The following LRP1B variants were observed in gnomAD, a reference collection of about 807,000 sequenced individuals.
LRP1B encodes the protein LDL receptor related protein 1B.
Under a neutral mutation model 556.6 loss-of-function variants are expected in LRP1B, and 217 were observed. The observed-to-expected ratio is 0.39, with a 90% CI of 0.35 to 0.44. The LOEUF is 0.44. Ranked by LOEUF, LRP1B falls within the 20% of genes least tolerant of loss-of-function variation. The pLI is 1.00. For missense variants in LRP1B, 5,053 were observed against 5,620.8 expected, an observed-to-expected ratio of 0.90 and a Z score of 3.23; for synonymous variants, 2,047 against 1,865.8, an observed-to-expected ratio of 1.10 and a Z score of -2.50.
chr2:140,941,444 T>A (rs549667671), intron 20 of LRP1B, among the ~76,000 whole-genome samples: 1 of 152,250 alleles, frequency 6.6e-6, no homozygotes, highest in Admixed American at 6.5e-5. Flanking sequence ...AGTTGCAGGA[T>A]GTGAGGACTG....
chr2:140,275,513 C>T (rs2104954803), intron 84 of LRP1B, among the ~76,000 whole-genome samples: 1 of 152,000 alleles, frequency 6.6e-6, no homozygotes, highest in South Asian at 2.1e-4. Flanking sequence ...GGACTCATAC[C>T]CCTGCACCAG....
At chr2:140,653,915 C>G (rs560912024) in intron 41 of LRP1B, among the ~76,000 whole-genome samples, 1 of 148,402 alleles carries the variant, frequency 6.7e-6, no homozygotes, top group African/African-American at 2.5e-5. Context: ...ATCCCAGCTA[C>G]TTGGGAGGCT....
At chr2:141,543,182 C>G (rs1685328385) in intron 2 of LRP1B, among the ~76,000 whole-genome samples, 1 of 151,946 alleles carries the variant, frequency 6.6e-6, no homozygotes, top group Non-Finnish European at 1.5e-5. Flanking sequence ...TGCAGATAAT[C>G]TTAGTTTCAC....
chr2:140,777,182 CTACCTAGAAGT>C (rs1168639317), intron 32 of LRP1B, among the ~76,000 whole-genome samples: 16 of 152,124 alleles, frequency 1.1e-4, no homozygotes, highest in Non-Finnish European at 2.4e-4. Flanking sequence ...AAATCAATTT[CTACCTAGAAGT>C]TAAAATAAGG....
chr2:141,831,586 A>T (rs1366263443), intron 1 of LRP1B, among the ~76,000 whole-genome samples: 1 of 151,678 alleles, frequency 6.6e-6, no homozygotes, highest in Non-Finnish European at 1.5e-5. Context: ...AAAACTCATT[A>T]AGTTTTGGAA....
intron 86 of LRP1B, 39 bp downstream of exon 86, chr2:140,270,203 G>A (rs376404728): frequency 1.1e-4 from 150 of 1,404,990 alleles, no homozygotes; most frequent in Admixed American, 5.2e-4. Context: ...ACATACAAAG[G>A]CTTATTATAA....
At chr2:141,299,655 T>G (rs974130484) in intron 3 of LRP1B, among the ~76,000 whole-genome samples, 23 of 152,228 alleles carry the variant, frequency 1.5e-4, no homozygotes, top group African/African-American at 5.3e-4. Context: ...CAGAAAAGGA[T>G]GAATTCTATT....
chr2:141,553,221 G>A (rs1049704250), intron 2 of LRP1B, among the ~76,000 whole-genome samples: 2 of 151,806 alleles, frequency 1.3e-5, no homozygotes, highest in Admixed American at 6.6e-5. Context: ...GGAAGAGGGC[G>A]TTTTCTAAGA....
chr2:141,299,774 AAATAAG>A (rs1686316079), intron 3 of LRP1B, among the ~76,000 whole-genome samples: 1 of 152,230 alleles, frequency 6.6e-6, no homozygotes, highest in African/African-American at 2.4e-5. Flanking sequence ...AGTAAAATGA[AAATAAG>A]AATAATACTT....
chr2:141,905,405 T>C (rs1699726743), intron 1 of LRP1B, among the ~76,000 whole-genome samples: 1 of 151,782 alleles, frequency 6.6e-6, no homozygotes, highest in Admixed American at 6.6e-5. Context: ...GAGGGCTCAG[T>C]TGAGATCTGT....
At chr2:140,748,828 C>A (rs374600634) in intron 35 of LRP1B, among the ~76,000 whole-genome samples, 3 of 79,498 alleles carry the variant, frequency 3.8e-5, no homozygotes, top group Non-Finnish European at 2.6e-5. Flanking sequence ...TAATATATAT[C>A]ATATATTATA....
At chr2:140,354,523 G>A (rs188507819) in intron 75 of LRP1B, among the ~76,000 whole-genome samples, 4 of 152,134 alleles carry the variant, frequency 2.6e-5, no homozygotes, top group African/African-American at 9.6e-5. Flanking sequence ...TAACCATCAC[G>A]ATTACAACAA....
intron 3 of LRP1B, among the ~76,000 whole-genome samples, chr2:141,361,833 A>G (rs1402470): frequency 0.38 from 58,061 of 152,094 alleles, 13,006 homozygotes; most frequent in Non-Finnish European, 0.52. Context: ...TTAAGAAAAA[A>G]ATATCTATCA....
intron 3 of LRP1B, among the ~76,000 whole-genome samples, chr2:141,266,706 T>A (rs990346738): frequency 6.6e-6 from 1 of 152,190 alleles, no homozygotes; most frequent in Non-Finnish European, 1.5e-5. Context: ...TTTAGCAACT[T>A]AGCAACTTTA....
At chr2:140,860,536 C>T (rs1309844025) in intron 27 of LRP1B, among the ~76,000 whole-genome samples, 2 of 151,972 alleles carry the variant, frequency 1.3e-5, no homozygotes, top group Non-Finnish European at 2.9e-5. Flanking sequence ...CATTTAAGAC[C>T]CCTTTAAACC....
At chr2:141,430,511 C>G (rs986609434) in intron 3 of LRP1B, among the ~76,000 whole-genome samples, 16 of 152,026 alleles carry the variant, frequency 1.1e-4, no homozygotes, top group Admixed American at 6.6e-5. Flanking sequence ...TTGGCAGGAT[C>G]TTACAAAATG....
intron 6 of LRP1B, among the ~76,000 whole-genome samples, chr2:141,199,978 A>G (rs990336247): frequency 6.6e-6 from 1 of 152,184 alleles, no homozygotes; most frequent in Non-Finnish European, 1.5e-5. Context: ...TGTTGGTGGG[A>G]GTGTTAACTA....
intron 32 of LRP1B, among the ~76,000 whole-genome samples, chr2:140,810,518 C>T (rs1690881209): frequency 6.6e-6 from 1 of 151,816 alleles, no homozygotes. Context: ...AGCAAGTAGG[C>T]CATCACATTT....
chr2:141,233,138 A>G (rs1683532756), intron 5 of LRP1B, among the ~76,000 whole-genome samples: 1 of 152,218 alleles, frequency 6.6e-6, no homozygotes. Context: ...AGAACACTTG[A>G]AAAGCACATT....
Sources: allele counts gnomAD v4.1 joint callset (sites outside exome capture counted in the v4.1 genomes callset), GRCh38; gene constraint gnomAD v4.1.1; transcripts MANE v1.5; gene names NCBI Gene and HGNC (gene_info 2026-07-23, HGNC 2026-07-21).